KCNQ2: variants seen among roughly 807,000 people sequenced by gnomAD.
The protein encoded by KCNQ2 is potassium voltage-gated channel subfamily KQT member 2.
In KCNQ2, 14 loss-of-function variants were observed where a neutral mutation model predicts 84.8. The observed-to-expected ratio is 0.17, with a 90% CI of 0.11 to 0.26. The LOEUF is 0.26. Among genes scored for constraint, KCNQ2 ranks in the 10% least tolerant of loss-of-function variants. The probability of loss-of-function intolerance (pLI) is 1.00; values close to 1 mark genes in which losing one functional copy is unlikely to be tolerated. For missense variants in KCNQ2, 788 were observed against 1,254.0 expected, an observed-to-expected ratio of 0.63 and a Z score of 5.61; for synonymous variants, 599 against 554.1, an observed-to-expected ratio of 1.08 and a Z score of -1.14.
intron 7 of KCNQ2, among the ~76,000 whole-genome samples, chr20:63,436,770 CA>C (rs2081021878): frequency 7.1e-6 from 1 of 141,008 alleles, no homozygotes; most frequent in Admixed American, 7.5e-5. Flanking sequence ...ATGGTATAAA[CA>C]TAACTTTTTT....
rs2145488702 is a variant in KCNQ2, at chr20:63,407,310, G to T, written c.1953C>A (p.Pro651=). 2.5e-6 allele frequency: 4 copies of T among 1,596,706 alleles called. No individual in the cohort carries two copies. Among genetic ancestry groups the T allele is most frequent in the Non-Finnish European group, 3.4e-6 (4 of 1,178,340 alleles). Reference sequence around the variant, plus strand: ...CAAAGTAGGCCTCGGTCTCTGTCGGGGGGATGCCCATCCGCTGCATGTAGA... The same window carrying T: ...CAAAGTAGGCCTCGGTCTCTGTCGGTGGGATGCCCATCCGCTGCATGTAGA... ...VNIYMQRMGI[P]PTETEAYFGA... Residue 651 remains proline, a synonymous_variant, in exon 17 of 17, where the codon CCC becomes CCA. Coordinates refer to ENST00000359125, the MANE Select transcript of KCNQ2 (RefSeq NM_172107.4). The surrounding 1 kb of genome is among the most constrained non-coding windows in gnomAD (Gnocchi z 7.2).
Position 63,429,247 on chromosome 20 carries a change from GAC to G in KCNQ2, c.1149-814_1149-813del, listed in dbSNP as rs368928014. Among the ~76,000 whole-genome samples the G allele has an allele frequency of 9.9e-4, 138 of 139,266 alleles. 2 individuals carry two copies. In the South Asian group the frequency reaches 0.026, roughly 26 times the overall value. The allele number at this position is 139,266 out of a possible 152,430, so 91.4% of individuals were successfully genotyped here. ...AGCATTCCAGCTCGCTTCAGGAAGA[GAC>G]ACCCTCCTCTGGGGCCTCCCCCACC... On this transcript the variant is annotated intron_variant, in intron 9 of 16. Coordinates refer to ENST00000359125, the MANE Select transcript of KCNQ2 (RefSeq NM_172107.4).
At chr20:63,468,436 C>T (rs1414158690) in intron 1 of KCNQ2, among the ~76,000 whole-genome samples, 3 of 152,228 alleles carry the variant, frequency 2.0e-5, no homozygotes, top group South Asian at 2.1e-4. Flanking sequence ...CTGTGCCAGG[C>T]GCCTGCCCAC....
intron 15 of KCNQ2, among the ~76,000 whole-genome samples, chr20:63,412,746 T>TG (rs1177071256): frequency 6.6e-6 from 1 of 152,130 alleles, no homozygotes; most frequent in East Asian, 1.9e-4. Flanking sequence ...CAGCCTTGGT[T>TG]GGGGGGCCTG....
At chr20:63,449,579 G>C (rs1015468792) in intron 1 of KCNQ2, among the ~76,000 whole-genome samples, 1 of 152,244 alleles carries the variant, frequency 6.6e-6, no homozygotes, top group South Asian at 2.1e-4. Context: ...GTGGTGCCTG[G>C]TGGGAAGAGG....
intron 7 of KCNQ2, among the ~76,000 whole-genome samples, chr20:63,435,601 G>A (rs11699830): frequency 0.19 from 29,567 of 152,106 alleles, 3,427 homozygotes; most frequent in Middle Eastern, 0.28. Flanking sequence ...GAGAGTACAC[G>A]GCGGCAGGGC....
In KCNQ2 at chr20:63,433,772, A is replaced by C. The variant is rs769396713; in HGVS notation, c.1118+37T>G. 3 of 1,613,768 alleles carry C rather than the reference A, an allele frequency of 1.9e-6. No homozygotes were observed. The South Asian group carries it at 3.3e-5, about 18-fold the overall frequency. The stretch of plus-strand genomic sequence containing the variant: ...AAGAACAAATGGAAAATAAAAAATG[A>C]AACAGTTGCTTGGTGGCAGGTGCCC... On this transcript the variant is annotated intron_variant, in intron 8 of 16. Transcript: ENST00000359125.
intron 4 of KCNQ2, chr20:63,443,618 A>G (rs955045633): frequency 6.6e-6 from 1 of 151,158 alleles, no homozygotes; most frequent in Non-Finnish European, 1.5e-5. Flanking sequence ...CACCATCACC[A>G]CCCGCCACCT....
Position 63,438,370 on chromosome 20 carries a change from G to T in KCNQ2, c.1023+255C>A. ...TGCGGTAGAGAGGACCTGATGGCCGGGCCCCAGCACCCACACAAGGCAAGG... is the reference window on the plus strand; with the variant it reads ...TGCGGTAGAGAGGACCTGATGGCCGTGCCCCAGCACCCACACAAGGCAAGG... On this transcript the variant is annotated intron_variant, in intron 7 of 16. Coordinates refer to ENST00000359125, the MANE Select transcript of KCNQ2 (RefSeq NM_172107.4). The surrounding 1 kb of genome is among the most constrained non-coding windows in gnomAD (Gnocchi z 5.1). 2 of 580,834 alleles carry T rather than the reference G, an allele frequency of 3.4e-6. No individual in the cohort carries two copies. The highest frequency in any genetic ancestry group is 3.1e-6 in the Non-Finnish European group (1 of 322,876). The allele number at this position is 580,834 out of a possible 1,614,324, so 36.0% of individuals were successfully genotyped here. A position where few individuals can be genotyped will look rare whatever the true frequency, so the allele number is the denominator to read the frequency against.
At chr20:63,428,030 C>A (rs1056562237) in intron 10 of KCNQ2, among the ~76,000 whole-genome samples, 2 of 152,214 alleles carry the variant, frequency 1.3e-5, no homozygotes, top group African/African-American at 4.8e-5. Flanking sequence ...TGAGTTACCA[C>A]CAGGCACTCG....
At chr20:63,444,593 C>A in intron 4 of KCNQ2, 66 bp downstream of exon 4, 2 of 1,370,698 alleles carry the variant, frequency 1.5e-6, no homozygotes, top group Non-Finnish European at 1.9e-6. Flanking sequence ...AGGGGTGGGG[C>A]CCGGTCTGGG....
In KCNQ2 at chr20:63,445,373, G is replaced by C. The variant is rs371784719; in HGVS notation, c.388-9C>G. The C allele has an allele frequency of 8.1e-6, 13 of 1,613,134 alleles. No individual in the cohort carries two copies. The highest frequency in any genetic ancestry group is 1.3e-5 in the African/African-American group (1 of 74,944). On this transcript the variant is annotated splice_polypyrimidine_tract_variant and intron_variant, in intron 2 of 16. Coordinates refer to ENST00000359125, the MANE Select transcript of KCNQ2 (RefSeq NM_172107.4). ...ACGATAGTCACGATTTCCTGCAGGG[G>C]AGGAAAGCTGAGGCCACCTTGAGGC... is the stretch of plus-strand genomic sequence containing the variant.
chr20:63,411,035 G>A (rs914239092), intron 15 of KCNQ2: 12 of 456,144 alleles, frequency 2.6e-5, no homozygotes, highest in East Asian at 6.9e-5. Context: ...GCCAGCTCAC[G>A]TGGAGCTGGG....
chr20:63,443,985 T>G (rs1268489563), intron 4 of KCNQ2, among the ~76,000 whole-genome samples: 1 of 152,192 alleles, frequency 6.6e-6, no homozygotes, highest in Non-Finnish European at 1.5e-5. Flanking sequence ...GGGTGCCCAC[T>G]GCAGTCAGCA....
At chr20:63,420,798 C>A (rs571658224) in intron 11 of KCNQ2, among the ~76,000 whole-genome samples, 2 of 151,746 alleles carry the variant, frequency 1.3e-5, no homozygotes, top group Non-Finnish European at 2.9e-5. Context: ...GCCCCCGTGC[C>A]GGTCCGGCTT....
chr20:63,436,356 C>A (rs1338067818), intron 7 of KCNQ2, among the ~76,000 whole-genome samples: 5 of 152,102 alleles, frequency 3.3e-5, no homozygotes, highest in Non-Finnish European at 7.4e-5. Flanking sequence ...ACGGTGAAAC[C>A]CCGTCTCTAC....
At chr20:63,456,347 G>GC (rs2081796334) in intron 1 of KCNQ2, among the ~76,000 whole-genome samples, 1 of 152,154 alleles carries the variant, frequency 6.6e-6, no homozygotes, top group South Asian at 2.1e-4. Flanking sequence ...AGGGGTCTGG[G>GC]CCCCCCGAGT....
intron 11 of KCNQ2, among the ~76,000 whole-genome samples, chr20:63,422,036 C>T (rs1035907370): frequency 6.6e-6 from 1 of 152,146 alleles, no homozygotes; most frequent in African/African-American, 2.4e-5. Flanking sequence ...TCCCTGTGTC[C>T]ACACCATCCA....
intron 11 of KCNQ2, 73 bp downstream of exon 11, chr20:63,424,104 C>A: frequency 6.7e-7 from 1 of 1,490,552 alleles, no homozygotes; most frequent in Non-Finnish European, 9.2e-7. Flanking sequence ...TGACAGGTTG[C>A]GCACACGTGT....
Sources: allele counts gnomAD v4.1 joint callset (sites outside exome capture counted in the v4.1 genomes callset), GRCh38; gene constraint gnomAD v4.1.1; non-coding constraint Gnocchi (gnomAD v3.1); transcripts MANE v1.5; gene names NCBI Gene and HGNC (gene_info 2026-07-23, HGNC 2026-07-21).